Variants in IRS2 observed in about 807,000 individuals in gnomAD.
The protein encoded by IRS2 is insulin receptor substrate 2.
In IRS2, 28 loss-of-function variants were observed where a neutral mutation model predicts 70.9. The observed-to-expected ratio is 0.39, with a 90% CI of 0.29 to 0.54. The LOEUF (loss-of-function observed/expected upper bound fraction) is 0.54, where lower values mean the gene tolerates loss of function less well. IRS2 is among the 20% of genes least tolerant of loss of function. The pLI, the probability that IRS2 is intolerant of heterozygous loss-of-function variation, is 0.59. For synonymous variants in IRS2, 1,217 were observed against 981.9 expected, an observed-to-expected ratio of 1.24 and a Z score of -4.48; for missense variants, 2,081 against 2,024.1, an observed-to-expected ratio of 1.03 and a Z score of -0.54.
rs777230140 is a variant in IRS2 at position 109,785,495 on chromosome 13, C to A, written c.559G>T (p.Val187Leu). 1.9e-6 allele frequency: 3 copies of A among 1,611,362 alleles called. No individual in the cohort carries two copies. Among genetic ancestry groups the A allele is most frequent in the Non-Finnish European group, 2.5e-6 (3 of 1,179,522 alleles). ...AAGAEDSYGL[V>L]APATAAYREV... ...CGGTAGGCGGCCGTGGCGGGAGCCACCAGCCCGTAGCTGTCCTCGGCCCCG... is the reference window on the plus strand; with the variant it reads ...CGGTAGGCGGCCGTGGCGGGAGCCAACAGCCCGTAGCTGTCCTCGGCCCCG... Residue 187 changes from valine (V) to leucine (L), a missense_variant, in exon 1 of 2, where the codon GTG becomes TTG. Val to Leu is a conservative substitution (Grantham distance 32, BLOSUM62 1). Transcript: ENST00000375856. This position sits in a 1 kb window ranked among gnomAD's most constrained non-coding sequence, Gnocchi z 9.3.
intron 1 of IRS2, among the ~76,000 whole-genome samples, chr13:109,763,753 A>G (rs1035409880): frequency 6.6e-6 from 1 of 152,232 alleles, no homozygotes; most frequent in African/African-American, 2.4e-5. Context: ...AATTTTATGT[A>G]CACCATAACA....
At position 109,754,807 on chromosome 13, in the gene IRS2, G is replaced by T; in HGVS notation, c.*1497C>A. ...CATTTTATTAATGCATTATTCTATA[G>T]CGATAGATATCTATTATATATTTAT... On this transcript the variant is annotated 3_prime_UTR_variant, in exon 2 of 2. Coordinates refer to ENST00000375856, the MANE Select transcript of IRS2 (RefSeq NM_003749.3). The T allele has an allele frequency of 5.2e-6, 1 of 192,350 alleles. No individual in the cohort carries two copies. Among genetic ancestry groups the T allele is most frequent in the Non-Finnish European group, 1.1e-5 (1 of 92,052 alleles). 11.9% of individuals were successfully genotyped at this position (192,350 alleles called of 1,614,324 possible).
intron 1 of IRS2, among the ~76,000 whole-genome samples, chr13:109,781,600 A>G (rs1877700782): frequency 6.6e-6 from 1 of 152,230 alleles, no homozygotes; most frequent in Non-Finnish European, 1.5e-5. Context: ...GCCCAGCTCC[A>G]GGAACACAGG....
In IRS2 at chr13:109,754,778, G is replaced by T; in HGVS notation, c.*1526C>A. 5.2e-6 allele frequency: 1 copy of T among 193,252 alleles called. No individual in the cohort carries two copies. The highest frequency in any genetic ancestry group is 1.1e-5 in the Non-Finnish European group (1 of 92,594). 12.0% of individuals were successfully genotyped at this position (193,252 alleles called of 1,614,324 possible). A position where few individuals can be genotyped will look rare whatever the true frequency, so the allele number is the denominator to read the frequency against. On this transcript the variant is annotated 3_prime_UTR_variant, in exon 2 of 2. Transcript: ENST00000375856. ...AATTTTTTGGTCTTCCTCTAAAAAA[G>T]CCTCATTTTATTAATGCATTATTCT... is the stretch of plus-strand genomic sequence containing the variant.
chr13:109,775,673 T>A (rs1877555667), intron 1 of IRS2, among the ~76,000 whole-genome samples: 1 of 151,218 alleles, frequency 6.6e-6, no homozygotes. Flanking sequence ...AAAGAACACA[T>A]CATTAATCCT....
rs1189943357 is a variant in IRS2 at position 109,785,154 on chromosome 13, G to A, written c.900C>T (p.Phe300=). 3.1e-6 allele frequency: 5 copies of A among 1,599,194 alleles called. No homozygotes were observed. Among genetic ancestry groups the A allele is most frequent in the East Asian group, 4.5e-5 (2 of 44,116 alleles). The change falls in exon 1 of 2, where the codon TTC becomes TTT. Residue 300 remains phenylalanine (F), a synonymous_variant. Coordinates refer to ENST00000375856, the MANE Select transcript of IRS2 (RefSeq NM_003749.3). This position sits in a 1 kb window ranked among gnomAD's most constrained non-coding sequence, Gnocchi z 9.3. ...ACGATTGGCTCTTACTGCGCGGCCGGAACTCGAAGAGCTCCTTGAGCGCCT... is the reference window on the plus strand; with the variant it reads ...ACGATTGGCTCTTACTGCGCGGCCGAAACTCGAAGAGCTCCTTGAGCGCCT... ...AMKALKELFE[F]RPRSKSQSSG...
rs937885644 is a variant in IRS2, at chr13:109,784,907, C to G, written c.1147G>C (p.Val383Leu). 2.7e-5 allele frequency: 29 copies of G among 1,062,994 alleles called. No individual in the cohort carries two copies. Among genetic ancestry groups the G allele is most frequent in the Non-Finnish European group, 3.3e-5 (29 of 881,714 alleles). 65.8% of individuals were successfully genotyped at this position (1,062,994 alleles called of 1,614,324 possible). A position where few individuals can be genotyped will look rare whatever the true frequency, so the allele number is the denominator to read the frequency against. Residue 383 changes from valine (V) to leucine (L), a missense_variant, in exon 1 of 2, where the codon GTG becomes CTG. This residue lies in a region of IRS2 where 1,615 missense variants were observed against 1,459.5 expected (regional missense o/e 1.11). Coordinates refer to ENST00000375856, the MANE Select transcript of IRS2 (RefSeq NM_003749.3). This position sits in a 1 kb window ranked among gnomAD's most constrained non-coding sequence, Gnocchi z 5.2. ...CTCAGGGGGCTCCCAGCCACCGACACCGGCCTGGCGCCCGCGGCCGCCGCT... is the reference window on the plus strand; with the variant it reads ...CTCAGGGGGCTCCCAGCCACCGACAGCGGCCTGGCGCCCGCGGCCGCCGCT... ...AGAAAAGARP[V>L]SVAGSPLSPG...
At chr13:109,767,766 T>C (rs1877367802) in intron 1 of IRS2, among the ~76,000 whole-genome samples, 1 of 140,946 alleles carries the variant, frequency 7.1e-6, no homozygotes, top group Admixed American at 7.6e-5. Flanking sequence ...GGAGTCTCGC[T>C]CTGTTGCCCA....
rs1449445631 is a variant in IRS2 at position 109,785,352 on chromosome 13, C to T, written c.702G>A (p.Glu234=). ...TGAGCTGCAGCGTCACCGACGGCTG[C>T]TCGCAGTTGAGCTTCACGAAGCCGA... ...RTIGFVKLNC[E]QPSVTLQLMN... The change falls in exon 1 of 2, where the codon GAG becomes GAA. Residue 234 remains glutamate, a synonymous_variant. Coordinates refer to ENST00000375856, the MANE Select transcript of IRS2 (RefSeq NM_003749.3). The surrounding 1 kb of genome is among the most constrained non-coding windows in gnomAD (Gnocchi z 9.3). 1.9e-6 allele frequency: 3 copies of T among 1,612,018 alleles called. No individual in the cohort carries two copies. The highest frequency in any genetic ancestry group is 2.5e-6 in the Non-Finnish European group (3 of 1,179,746).
rs1877083497 is a variant in IRS2 at position 109,755,429 on chromosome 13, G to C, written c.*875C>G. The C allele has an allele frequency of 4.5e-6, 1 of 223,654 alleles. No individual in the cohort carries two copies. The highest frequency in any genetic ancestry group is 8.9e-6 in the Non-Finnish European group (1 of 112,174). 13.9% of individuals were successfully genotyped at this position (223,654 alleles called of 1,614,324 possible). ...ATCTGAGCTTGTAAATAGAATAAAA[G>C]GCGTTTGCAATGTGAAGTACCTACA... is the stretch of plus-strand genomic sequence containing the variant. On this transcript the variant is annotated 3_prime_UTR_variant, in exon 2 of 2. Transcript: ENST00000375856.
Position 109,782,201 on chromosome 13 carries a change from C to T in IRS2, c.3853G>A (p.Gly1285Ser). ...LPQPGDKSSW[G>S]RTRSLGGLIS... The stretch of plus-strand genomic sequence containing the variant: ...AGACCCCCGAGGCTTCGGGTCCGGC[C>T]CCAGGAGCTCTTGTCTCCCGGCTGA... Residue 1285 changes from glycine (G) to serine (S), a missense_variant, in exon 1 of 2, where the codon GGC (glycine) becomes AGC (serine). This residue lies in a region of IRS2 where 1,615 missense variants were observed against 1,459.5 expected (regional missense o/e 1.11). Transcript: ENST00000375856. 6.2e-7 allele frequency: 1 copy of T among 1,606,692 alleles called. No individual in the cohort carries two copies. Among genetic ancestry groups the T allele is most frequent in the African/African-American group, 1.3e-5 (1 of 74,944 alleles).
chr13:109,783,227 C>A lies in IRS2; in HGVS notation c.2827G>T (p.Ala943Ser). 6.9e-7 allele frequency: 1 copy of A among 1,442,032 alleles called. No homozygotes were observed. Among genetic ancestry groups the A allele is most frequent in the South Asian group, 1.4e-5 (1 of 72,804 alleles). The allele number at this position is 1,442,032 out of a possible 1,614,324, so 89.3% of individuals were successfully genotyped here. Residue 943 changes from alanine to serine, a missense_variant, in exon 1 of 2, where the codon GCC (alanine) becomes TCC (serine). Ala to Ser is a moderately conservative substitution (Grantham distance 99, BLOSUM62 1). This residue lies in a region of IRS2 where 1,615 missense variants were observed against 1,459.5 expected (regional missense o/e 1.11). Transcript: ENST00000375856. ...PPAPPLLASA[A>S]SSSSLLSASS... ...GCGGACAAGAGCGAGGAGGACGAGG[C>A]CGCCGACGCCAGCAGGGGAGGCGCG... is the stretch of plus-strand genomic sequence containing the variant.
intron 1 of IRS2, among the ~76,000 whole-genome samples, chr13:109,762,204 G>A (rs1021828737): frequency 6.6e-6 from 1 of 152,144 alleles, no homozygotes; most frequent in Non-Finnish European, 1.5e-5. Flanking sequence ...TGAGCTATTC[G>A]TCTATGGCAA....
chr13:109,785,622 G>T lies in IRS2; in HGVS notation c.432C>A (p.Ser144Arg). The T allele has an allele frequency of 6.7e-7, 1 of 1,483,978 alleles. No individual in the cohort carries two copies. Among genetic ancestry groups the T allele is most frequent in the Non-Finnish European group, 8.9e-7 (1 of 1,118,442 alleles). The allele number at this position is 1,483,978 out of a possible 1,614,324, so 91.9% of individuals were successfully genotyped here. ...CGTCTCCGGCGGCCGCGCGGCCCTC[G>T]CTGACCAGGTCGGTGAGCGCGCGGT... is the stretch of plus-strand genomic sequence containing the variant. Reference protein sequence around the residue: ...GWYRALTDLVSEGRAAAGDAP... With the variant: ...GWYRALTDLVREGRAAAGDAP... Residue 144 changes from serine (S) to arginine (R), a missense_variant, in exon 1 of 2, where the codon AGC becomes AGA. By Grantham distance (110) the Ser-to-Arg change is moderately radical. Coordinates refer to ENST00000375856, the MANE Select transcript of IRS2 (RefSeq NM_003749.3). The surrounding 1 kb of genome is among the most constrained non-coding windows in gnomAD (Gnocchi z 9.3).
At chr13:109,774,677 C>G (rs553048924) in intron 1 of IRS2, among the ~76,000 whole-genome samples, 1 of 152,168 alleles carries the variant, frequency 6.6e-6, no homozygotes, top group Non-Finnish European at 1.5e-5. Flanking sequence ...GCTCAGAGAT[C>G]TGGAGCAAGT....
chr13:109,782,893 T>A lies in IRS2; in HGVS notation c.3161A>T (p.Gln1054Leu). 6.4e-7 allele frequency: 1 copy of A among 1,555,834 alleles called. No individual in the cohort carries two copies. Reference sequence around the variant, plus strand: ...CAACGATGAGGCGGCGCCCGGGCCCTGGGCGGTGGCAACGGCCGAGGCGGG... The same window carrying A: ...CAACGATGAGGCGGCGCCCGGGCCCAGGGCGGTGGCAACGGCCGAGGCGGG... Reference protein sequence around the residue: ...LPPASAVATAQGPGAASSLSS... With the variant: ...LPPASAVATALGPGAASSLSS... Residue 1054 changes from glutamine to leucine, a missense_variant, in exon 1 of 2, where the codon CAG becomes CTG. Gln to Leu is a moderately radical substitution (Grantham distance 113). This residue lies in a region of IRS2 where 1,615 missense variants were observed against 1,459.5 expected (regional missense o/e 1.11). Transcript: ENST00000375856.
Position 109,756,185 on chromosome 13 carries a change from G to T in IRS2, c.*119C>A, listed in dbSNP as rs1208206613. 2 of 878,334 alleles carry T rather than the reference G, an allele frequency of 2.3e-6. No individual in the cohort carries two copies. Among genetic ancestry groups the T allele is most frequent in the African/African-American group, 1.6e-5 (1 of 61,028 alleles). The allele number at this position is 878,334 out of a possible 1,614,324, so 54.4% of individuals were successfully genotyped here. ...GAGTCCACAGATGTTTCCAAACACA[G>T]TCATTGCTCAGATCCAAAAGAAAAC... On this transcript the variant is annotated 3_prime_UTR_variant, in exon 2 of 2. Coordinates refer to ENST00000375856, the MANE Select transcript of IRS2 (RefSeq NM_003749.3).
rs980246976 is a variant in IRS2 at position 109,772,491 on chromosome 13, A to G, written c.4012+9551T>C. 2.0e-5 allele frequency among the ~76,000 whole-genome samples: 3 copies of G among 152,178 alleles called. 1 individual carries two copies. The highest frequency in any genetic ancestry group is 2.9e-5 in the Non-Finnish European group (2 of 68,034). On this transcript the variant is annotated intron_variant, in intron 1 of 1. Transcript: ENST00000375856. ...GGTCCGTAACTCCATTCGCCCGGAT[A>G]GCAAAACTGCTTTCCTGCTTTGCTC...
At position 109,785,376 on chromosome 13, in the gene IRS2, G is replaced by A. The variant is rs1280164210; in HGVS notation, c.678C>T (p.Ile226=). 6.2e-7 allele frequency: 1 copy of A among 1,612,504 alleles called. No homozygotes were observed. The highest frequency in any genetic ancestry group is 1.7e-5 in the Admixed American group (1 of 60,010). The stretch of plus-strand genomic sequence containing the variant: ...GCTCGCAGTTGAGCTTCACGAAGCC[G>A]ATGGTGCGCGCAGACAGGCACAGAC... The part of the protein sequence containing the change: ...VYRLCLSART[I]GFVKLNCEQP... Residue 226 remains isoleucine (I), a synonymous_variant, in exon 1 of 2, where the codon ATC becomes ATT. Transcript: ENST00000375856. The surrounding 1 kb of genome is among the most constrained non-coding windows in gnomAD (Gnocchi z 9.3).
Sources: gnomAD v4.1 joint callset for allele counts (sites outside exome capture counted in the v4.1 genomes callset) on GRCh38, gnomAD v4.1.1 for gene constraint, gnomAD v4.1.1 regional missense constraint, Gnocchi (gnomAD v3.1) non-coding constraint, MANE v1.5 for transcripts, NCBI Gene and HGNC (gene_info 2026-07-23, HGNC 2026-07-21) for gene names.